SLIT2: variants seen among roughly 807,000 people sequenced by gnomAD.
SLIT2 encodes slit guidance ligand 2.
In SLIT2, 41 loss-of-function variants were observed where a neutral mutation model predicts 185.7. The observed-to-expected ratio is 0.22, with a 90% CI of 0.17 to 0.29. The LOEUF (loss-of-function observed/expected upper bound fraction) is 0.29, where lower values mean the gene tolerates loss of function less well. SLIT2 is among the 10% of genes least tolerant of loss of function. The pLI is 1.00. For synonymous variants in SLIT2, 693 were observed against 680.2 expected (o/e 1.02, Z -0.29); for missense variants, 1,571 against 1,909.0 (o/e 0.82, Z 3.30).
intron 4 of SLIT2, among the ~76,000 whole-genome samples, chr4:20,322,766 G>A (rs140556230): frequency 9.0e-4 from 137 of 152,126 alleles, no homozygotes; most frequent in Admixed American, 2.1e-3. Flanking sequence ...TTAATTCCCC[G>A]CAGTGTCTAG....
Position 20,411,172 on chromosome 4 carries a change from G to A in SLIT2, c.396-56580G>A, listed in dbSNP as rs562565899. Among the ~76,000 whole-genome samples, 3 of 152,126 alleles carry A rather than the reference G, an allele frequency of 2.0e-5. No individual in the cohort carries two copies. In the East Asian group the frequency reaches 5.8e-4, roughly 29 times the overall value. On this transcript the variant is annotated intron_variant, in intron 4 of 36. Transcript: ENST00000504154. ...GTCCTAGGTATTTTATTCTTTTTGT[G>A]AAAAAGCCTGATGTTTTGAAGCACT...
chr4:20,291,482 ATATATATATATTTTTTTTTTTTTTTTTTT>A (rs1380451806), intron 4 of SLIT2, among the ~76,000 whole-genome samples: 856 of 12,364 alleles, frequency 0.069, 4 homozygotes, highest in Admixed American at 0.082. Context: ...ATATATATAT[ATATATATATATTTTTTTTTTTTTTTTTTT>A]TTTTTTTTTT....
At chr4:20,539,192 G>A (rs1310981389) in intron 18 of SLIT2, among the ~76,000 whole-genome samples, 2 of 152,090 alleles carry the variant, frequency 1.3e-5, no homozygotes, top group Non-Finnish European at 2.9e-5. Context: ...CCCTCATCAT[G>A]GGATTATAAA....
chr4:20,614,040 T>C (rs1729448778), intron 34 of SLIT2, among the ~76,000 whole-genome samples: 1 of 152,058 alleles, frequency 6.6e-6, no homozygotes, highest in Admixed American at 6.6e-5. Flanking sequence ...CCCAGCTAAT[T>C]TTTTATACTT....
At chr4:20,278,047 C>T (rs1429917888) in intron 4 of SLIT2, among the ~76,000 whole-genome samples, 2 of 151,690 alleles carry the variant, frequency 1.3e-5, no homozygotes, top group African/African-American at 2.4e-5. Flanking sequence ...TTTTTATTCC[C>T]ATTTTATCTG....
chr4:20,574,805 A>C lies in SLIT2; in HGVS notation c.3088+5801A>C, dbSNP rs577853582. Among the ~76,000 whole-genome samples, 1,045 of 151,812 alleles carry C rather than the reference A, an allele frequency of 6.9e-3. 9 individuals carry two copies. The highest frequency in any genetic ancestry group is 0.021 in the Middle Eastern group (6 of 292). ...CGCTTTCAAAAAAAAAAAAAAAAAA[A>C]AACAAAGGTTATTATATAGCAGGTC... On this transcript the variant is annotated intron_variant, in intron 29 of 36. Coordinates refer to ENST00000504154, the MANE Select transcript of SLIT2 (RefSeq NM_004787.4).
intron 29 of SLIT2, among the ~76,000 whole-genome samples, chr4:20,584,258 A>T (rs976708501): frequency 6.6e-6 from 1 of 152,232 alleles, no homozygotes; most frequent in South Asian, 2.1e-4. Context: ...ATTGCATACA[A>T]CCGTAGAAGG....
intron 29 of SLIT2, among the ~76,000 whole-genome samples, chr4:20,572,918 TTC>T (rs1296568955): frequency 2.0e-5 from 3 of 152,220 alleles, no homozygotes; most frequent in Non-Finnish European, 4.4e-5. Context: ...TGTACCCATT[TTC>T]TCTTTGTTTT....
At chr4:20,613,814 G>A (rs951767273) in intron 34 of SLIT2, among the ~76,000 whole-genome samples, 3 of 152,180 alleles carry the variant, frequency 2.0e-5, no homozygotes, top group African/African-American at 4.8e-5. Context: ...ATATGGAGAG[G>A]CAGCTTAACC....
chr4:20,533,589 A>C lies in SLIT2; in HGVS notation c.1706A>C (p.Lys569Thr), dbSNP rs1384742135. 6.2e-7 allele frequency: 1 copy of C among 1,608,990 alleles called. No homozygotes were observed. The highest frequency in any genetic ancestry group is 1.3e-5 in the African/African-American group (1 of 74,800). Residue 569 changes from lysine (K) to threonine (T), a missense_variant, in exon 18 of 37, where the codon AAG (lysine) becomes ACG (threonine). Lys to Thr is a moderately conservative substitution (Grantham distance 78, BLOSUM62 -1). Transcript: ENST00000504154. ...TTATTTAGAAACTTTAGCAACAATA[A>C]GATCACAGATATTGAGGAGGGAGCA... ...QLRKINFSNN[K>T]ITDIEEGAFE...
At chr4:20,453,076 A>G (rs1712655653) in intron 4 of SLIT2, among the ~76,000 whole-genome samples, 1 of 152,230 alleles carries the variant, frequency 6.6e-6, no homozygotes. Context: ...TGGTTTGTGC[A>G]TTTTGTGGAA....
At chr4:20,613,764 G>A (rs891637920) in intron 34 of SLIT2, among the ~76,000 whole-genome samples, 3 of 152,208 alleles carry the variant, frequency 2.0e-5, no homozygotes, top group African/African-American at 7.2e-5. Flanking sequence ...GCCTGAAGGT[G>A]TTGCCTCAGC....
intron 4 of SLIT2, among the ~76,000 whole-genome samples, chr4:20,340,762 G>A (rs192554018): frequency 6.6e-5 from 10 of 152,056 alleles, no homozygotes; most frequent in African/African-American, 2.2e-4. Flanking sequence ...CACTAGACCC[G>A]GCTAATTTTT....
At chr4:20,610,416 T>C (rs17543924) in intron 34 of SLIT2, among the ~76,000 whole-genome samples, 8,236 of 152,320 alleles carry the variant, frequency 0.054, 271 homozygotes, top group Non-Finnish European at 0.078. Flanking sequence ...TTAATATTTC[T>C]TTTGTGTCAA....
At chr4:20,425,504 T>A (rs1475389237) in intron 4 of SLIT2, among the ~76,000 whole-genome samples, 1 of 152,180 alleles carries the variant, frequency 6.6e-6, no homozygotes, top group East Asian at 1.9e-4. Flanking sequence ...AAAATAAGTT[T>A]ATACACGTGT....
At chr4:20,472,373 T>TATATAG in intron 5 of SLIT2, among the ~76,000 whole-genome samples, 2 of 34,702 alleles carry the variant, frequency 5.8e-5, no homozygotes, top group African/African-American at 1.7e-4. Flanking sequence ...TAGATATCTA[T>TATATAG]ATCTATATAT....
chr4:20,467,258 C>A (rs1314309907), intron 4 of SLIT2, among the ~76,000 whole-genome samples: 1 of 152,092 alleles, frequency 6.6e-6, no homozygotes, highest in Non-Finnish European at 1.5e-5. Flanking sequence ...TTCAAGATTA[C>A]TAGAAGTGCT....
chr4:20,335,752 G>A (rs564394330), intron 4 of SLIT2, among the ~76,000 whole-genome samples: 7 of 152,194 alleles, frequency 4.6e-5, no homozygotes, highest in African/African-American at 1.7e-4. Context: ...GTATTTAAAT[G>A]GGGCTATAAC....
intron 4 of SLIT2, among the ~76,000 whole-genome samples, chr4:20,448,286 A>G (rs1712046987): frequency 6.6e-6 from 1 of 152,044 alleles, no homozygotes; most frequent in South Asian, 2.1e-4. Flanking sequence ...ATCCCAAGGT[A>G]ATATTATTAT....
Sources: allele counts gnomAD v4.1 joint callset (sites outside exome capture counted in the v4.1 genomes callset), GRCh38; gene constraint gnomAD v4.1.1; transcripts MANE v1.5; gene names NCBI Gene and HGNC (gene_info 2026-07-23, HGNC 2026-07-21).